NEGR1: variants seen among roughly 807,000 people sequenced by gnomAD.
NEGR1 encodes IgLON family member 4.
A neutral mutation model predicts 40.9 loss-of-function variants in NEGR1; 10 were observed. The observed-to-expected ratio is 0.24, with a 90% CI of 0.15 to 0.42. NEGR1 has a LOEUF of 0.42. NEGR1 is among the 10% of genes least tolerant of loss of function. The pLI, the probability that NEGR1 is intolerant of heterozygous loss-of-function variation, is 1.00. For missense variants in NEGR1, 352 were observed against 438.9 expected (o/e 0.80, Z 1.77); for synonymous variants, 185 against 166.8 (o/e 1.11, Z -0.84).
At chr1:72,137,504 C>G (rs1650514831) in intron 1 of NEGR1, among the ~76,000 whole-genome samples, 1 of 146,796 alleles carries the variant, frequency 6.8e-6, no homozygotes, top group South Asian at 2.2e-4. Context: ...AAGAGAAAAC[C>G]AAACACTGCA....
intron 4 of NEGR1, among the ~76,000 whole-genome samples, chr1:71,664,221 A>T (rs1159987826): frequency 6.6e-6 from 1 of 152,190 alleles, no homozygotes; most frequent in Non-Finnish European, 1.5e-5. Flanking sequence ...TTCTTAGAAT[A>T]CAATGCCTTT....
At chr1:72,172,429 TATA>T (rs1651996574) in intron 1 of NEGR1, among the ~76,000 whole-genome samples, 2 of 152,180 alleles carry the variant, frequency 1.3e-5, no homozygotes, top group East Asian at 1.9e-4. Flanking sequence ...AATTCATAAA[TATA>T]ATATTAATAA....
chr1:72,137,254 C>T (rs1008054593), intron 1 of NEGR1, among the ~76,000 whole-genome samples: 2 of 151,990 alleles, frequency 1.3e-5, no homozygotes, highest in Non-Finnish European at 2.9e-5. Flanking sequence ...GGGTATATAC[C>T]CAAAGGATTA....
At position 72,066,043 on chromosome 1, in the gene NEGR1, T is replaced by C. The variant is rs559851830; in HGVS notation, c.177-130732A>G. On this transcript the variant is annotated intron_variant, in intron 1 of 6. Coordinates refer to ENST00000357731, the MANE Select transcript of NEGR1 (RefSeq NM_173808.3). ...TTAGAAAGCAATCCAAGTACAACTA[T>C]CAATACTCAGAATATATAGAAATAT... 2.6e-5 allele frequency among the ~76,000 whole-genome samples: 4 copies of C among 152,236 alleles called. No individual in the cohort carries two copies. In the South Asian group the frequency reaches 8.3e-4, roughly 32 times the overall value.
At chr1:71,965,506 T>C (rs77413101) in intron 1 of NEGR1, among the ~76,000 whole-genome samples, 3,771 of 152,278 alleles carry the variant, frequency 0.025, 140 homozygotes, top group African/African-American at 0.086. Flanking sequence ...ATATGCATTC[T>C]AAATCTTCCT....
At chr1:72,171,824 C>T (rs1651973791) in intron 1 of NEGR1, among the ~76,000 whole-genome samples, 1 of 152,036 alleles carries the variant, frequency 6.6e-6, no homozygotes, top group Non-Finnish European at 1.5e-5. Flanking sequence ...TGAGGAAACA[C>T]CAAATAATGT....
At chr1:72,011,691 AG>A (rs1421631517) in intron 1 of NEGR1, among the ~76,000 whole-genome samples, 6 of 152,164 alleles carry the variant, frequency 3.9e-5, no homozygotes, top group Non-Finnish European at 7.4e-5. Context: ...TAGTGTGAAA[AG>A]GAAACATCGG....
intron 2 of NEGR1, among the ~76,000 whole-genome samples, chr1:71,827,353 T>G (rs1185502771): frequency 6.6e-6 from 1 of 151,820 alleles, no homozygotes; most frequent in Non-Finnish European, 1.5e-5. Context: ...ATGACTAGCT[T>G]TCCATTTGCC....
At chr1:72,182,028 T>C (rs1652396291) in intron 1 of NEGR1, among the ~76,000 whole-genome samples, 1 of 152,148 alleles carries the variant, frequency 6.6e-6, no homozygotes, top group Admixed American at 6.5e-5. Flanking sequence ...GAATTCATAC[T>C]AATTTAATAG....
chr1:71,900,589 G>GC (rs1161010140), intron 2 of NEGR1, among the ~76,000 whole-genome samples: 9 of 152,040 alleles, frequency 5.9e-5, no homozygotes, highest in Non-Finnish European at 1.5e-5. Context: ...TATTTAACTT[G>GC]CAGGGTAACC....
chr1:71,474,744 AAAC>A (rs1646809359), intron 6 of NEGR1, among the ~76,000 whole-genome samples: 1 of 151,392 alleles, frequency 6.6e-6, no homozygotes, highest in African/African-American at 2.4e-5. Flanking sequence ...AAAAACAAAA[AAAC>A]AAAACCAGAA....
At chr1:71,980,882 C>A (rs1646348327) in intron 1 of NEGR1, among the ~76,000 whole-genome samples, 1 of 152,052 alleles carries the variant, frequency 6.6e-6, no homozygotes, top group African/African-American at 2.4e-5. Context: ...ATGTTCTCAC[C>A]ATCCTTCTTT....
intron 1 of NEGR1, among the ~76,000 whole-genome samples, chr1:71,946,576 G>T (rs1033769382): frequency 6.6e-6 from 1 of 151,942 alleles, no homozygotes; most frequent in African/African-American, 2.4e-5. Flanking sequence ...TAAACGCTAC[G>T]TTGCTTTTTC....
intron 3 of NEGR1, among the ~76,000 whole-genome samples, chr1:71,766,298 T>C (rs1371763460): frequency 6.6e-6 from 1 of 151,268 alleles, no homozygotes; most frequent in African/African-American, 2.4e-5. Context: ...ACCTGACAAA[T>C]AGGAAGAAAA....
chr1:71,704,641 CTT>C (rs1230028836), intron 3 of NEGR1, among the ~76,000 whole-genome samples: 1 of 151,560 alleles, frequency 6.6e-6, no homozygotes, highest in African/African-American at 2.4e-5. Context: ...AAGAAATTGA[CTT>C]TGTAATTAAA....
chr1:71,403,875 T>A lies in NEGR1; in HGVS notation c.*3571A>T. 2.6e-6 allele frequency: 1 copy of A among 383,278 alleles called. No homozygotes were observed. Among genetic ancestry groups the A allele is most frequent in the East Asian group, 3.6e-5 (1 of 27,402 alleles). 23.7% of individuals were successfully genotyped at this position (383,278 alleles called of 1,614,324 possible). ...TTAAAGTAAATACATATTCAAAGAA[T>A]CTTAAGGCATACCATTTATTCATAT... On this transcript the variant is annotated 3_prime_UTR_variant, in exon 7 of 7. Coordinates refer to ENST00000357731, the MANE Select transcript of NEGR1 (RefSeq NM_173808.3).
intron 2 of NEGR1, among the ~76,000 whole-genome samples, chr1:71,813,360 T>G (rs533596574): frequency 6.6e-6 from 1 of 152,302 alleles, no homozygotes; most frequent in South Asian, 2.1e-4. Flanking sequence ...TGAAGTCAAA[T>G]AGCATGATGC....
chr1:71,772,503 T>TA (rs765909086), intron 3 of NEGR1, among the ~76,000 whole-genome samples: 11 of 152,098 alleles, frequency 7.2e-5, no homozygotes, highest in Non-Finnish European at 1.6e-4. Context: ...CCTAAACTGT[T>TA]ATGTCAAATA....
At chr1:71,901,151 T>G (rs1359342516) in intron 2 of NEGR1, among the ~76,000 whole-genome samples, 1 of 152,162 alleles carries the variant, frequency 6.6e-6, no homozygotes, top group Non-Finnish European at 1.5e-5. Flanking sequence ...GTCAAAAACA[T>G]TCTATCAATG....
Sources: gnomAD v4.1 joint callset for allele counts (sites outside exome capture counted in the v4.1 genomes callset) on GRCh38, gnomAD v4.1.1 for gene constraint, MANE v1.5 for transcripts, NCBI Gene and HGNC (gene_info 2026-07-23, HGNC 2026-07-21) for gene names.